CAST: variants seen among roughly 807,000 people sequenced by gnomAD.
CAST encodes MIR583 host.
Under a neutral mutation model 119.6 loss-of-function variants are expected in CAST, and 76 were observed. The ratio of observed to expected loss-of-function variants is 0.64; its 90% confidence interval spans 0.53 to 0.77. CAST has a LOEUF of 0.77. CAST is among the 30% of genes least tolerant of loss of function. The pLI, the probability that CAST is intolerant of heterozygous loss-of-function variation, is 0.00. For missense variants in CAST, 953 were observed against 946.5 expected, an observed-to-expected ratio of 1.01 and a Z score of -0.09; for synonymous variants, 319 against 331.6, an observed-to-expected ratio of 0.96 and a Z score of 0.41.
At chr5:96,623,300 C>T (rs534736972) in intron 1 of CAST, among the ~76,000 whole-genome samples, 20 of 152,114 alleles carry the variant, frequency 1.3e-4, no homozygotes, top group Non-Finnish European at 2.8e-4. Flanking sequence ...GTTAAGTGAA[C>T]ATTAAAGCCA....
At chr5:96,071,686 C>A in the CAST span, among the ~76,000 whole-genome samples, 1 of 152,090 alleles carries the variant, frequency 6.6e-6, no homozygotes. Context: ...TTTTACTCCC[C>A]GGATTATGGT....
intron 1 of CAST, among the ~76,000 whole-genome samples, chr5:96,559,183 A>G (rs1204172477): frequency 6.6e-6 from 1 of 152,160 alleles, no homozygotes; most frequent in Admixed American, 6.5e-5. Flanking sequence ...TCTCTCAATA[A>G]ATTAGGTATT....
chr5:96,008,899 T>C, the CAST span, among the ~76,000 whole-genome samples: 5 of 152,152 alleles, frequency 3.3e-5, no homozygotes, highest in East Asian at 9.6e-4. Flanking sequence ...GATGCTGAGG[T>C]TTGGAGTATG....
rs546612149 is a variant in CAST at position 96,717,709 on chromosome 5, T to TGTG, written c.211-4926_211-4924dup. On this transcript the variant is annotated intron_variant, in intron 3 of 31. Coordinates refer to ENST00000675179, the MANE Select transcript of CAST (RefSeq NM_001750.7). ...TTAACCTGTGTGTTATGCTGCCTGA[T>TGTG]GTGGTGCTCGTGAGATGGTAAGGAC... Among the ~76,000 whole-genome samples the TGTG allele has an allele frequency of 4.7e-4, 72 of 152,278 alleles. 1 individual carries two copies. The highest frequency in any genetic ancestry group is 8.4e-4 in the Non-Finnish European group (57 of 68,032).
chr5:96,652,046 C>T (rs1249816466), intron 1 of CAST, among the ~76,000 whole-genome samples: 1 of 152,186 alleles, frequency 6.6e-6, no homozygotes, highest in Non-Finnish European at 1.5e-5. Context: ...CGGTAAACTT[C>T]CTAAGCACTT....
At chr5:96,715,919 A>G (rs997739691) in intron 3 of CAST, among the ~76,000 whole-genome samples, 1 of 152,236 alleles carries the variant, frequency 6.6e-6, no homozygotes, top group Non-Finnish European at 1.5e-5. Context: ...TCATTCATAG[A>G]TGATCCATTG....
the CAST span, among the ~76,000 whole-genome samples, chr5:96,386,621 A>G: frequency 6.6e-6 from 1 of 152,256 alleles, no homozygotes. Context: ...TAAAAACAAC[A>G]ATCTCACAAA....
At chr5:96,698,519 C>T (rs1327769901) in intron 3 of CAST, among the ~76,000 whole-genome samples, 1 of 152,180 alleles carries the variant, frequency 6.6e-6, no homozygotes, top group Non-Finnish European at 1.5e-5. Context: ...TTCTTCACCC[C>T]TTCCGTTCTC....
intron 1 of CAST, among the ~76,000 whole-genome samples, chr5:96,671,607 T>G (rs4869306): frequency 0.56 from 84,949 of 152,034 alleles, 24,771 homozygotes; most frequent in African/African-American, 0.73. Context: ...CTGCTATGGG[T>G]AGCAAAGAAG....
the CAST span, among the ~76,000 whole-genome samples, chr5:96,261,011 T>G: frequency 2.0e-5 from 3 of 152,156 alleles, no homozygotes; most frequent in Non-Finnish European, 4.4e-5. Context: ...AATTGCTGAG[T>G]AAGGGTGGGC....
chr5:96,370,427 G>C, the CAST span, among the ~76,000 whole-genome samples: 5 of 152,084 alleles, frequency 3.3e-5, no homozygotes, highest in Non-Finnish European at 7.3e-5. Context: ...AACTTTAAGC[G>C]TCCCAAACTG....
chr5:96,438,387 C>G, the CAST span, among the ~76,000 whole-genome samples: 2 of 152,036 alleles, frequency 1.3e-5, no homozygotes, highest in South Asian at 4.2e-4. Flanking sequence ...ATTTATAGAC[C>G]TTTATATTTT....
At chr5:96,416,097 T>A in the CAST span, 1 of 1,612,432 alleles carries the variant, frequency 6.2e-7, no homozygotes, top group East Asian at 2.2e-5. Context: ...GCATGGCAAT[T>A]TCTCCTGCAC....
the CAST span, among the ~76,000 whole-genome samples, chr5:96,257,701 A>T: frequency 2.2e-4 from 33 of 152,168 alleles, no homozygotes; most frequent in African/African-American, 8.0e-4. Context: ...TTCTTTATTG[A>T]TTCATTGGTA....
chr5:96,494,734 T>C, the CAST span, among the ~76,000 whole-genome samples: 1 of 152,118 alleles, frequency 6.6e-6, no homozygotes, highest in Non-Finnish European at 1.5e-5. Flanking sequence ...GTATAAGAGT[T>C]CCCACCAATC....
the CAST span, among the ~76,000 whole-genome samples, chr5:96,184,965 T>A: frequency 2.0e-4 from 30 of 152,196 alleles, no homozygotes; most frequent in African/African-American, 7.2e-4. Flanking sequence ...AATTTACACT[T>A]CCACCAACAG....
chr5:95,988,990 G>A, the CAST span, among the ~76,000 whole-genome samples: 2 of 152,140 alleles, frequency 1.3e-5, no homozygotes, highest in Admixed American at 6.5e-5. Flanking sequence ...TGGAACGAGT[G>A]GGCCTGTTTT....
the CAST span, among the ~76,000 whole-genome samples, chr5:96,320,516 G>C: frequency 2.0e-5 from 3 of 152,138 alleles, no homozygotes; most frequent in African/African-American, 7.2e-5. Context: ...GGGATTACAG[G>C]CGTGAGTCAC....
chr5:95,961,535 T>C, the CAST span: 2 of 1,515,832 alleles, frequency 1.3e-6, no homozygotes, highest in Non-Finnish European at 8.8e-7. Flanking sequence ...AGGGGTGCGC[T>C]CTGCCTCTCT....
Sources: gnomAD v4.1 joint callset for allele counts (sites outside exome capture counted in the v4.1 genomes callset) on GRCh38, gnomAD v4.1.1 for gene constraint, MANE v1.5 for transcripts, NCBI Gene and HGNC (gene_info 2026-07-23, HGNC 2026-07-21) for gene names.